IQCH: variants seen among roughly 807,000 people sequenced by gnomAD.
The protein encoded by IQCH is IQ domain-containing protein H.
A neutral mutation model predicts 117.0 loss-of-function variants in IQCH; 98 were observed. The observed-to-expected ratio is 0.84, with a 90% CI of 0.71 to 0.99. The LOEUF is 0.99. IQCH is among the 50% of genes least tolerant of loss of function. IQCH has a pLI of 0.00. For missense variants in IQCH, 1,102 were observed against 1,243.8 expected (o/e 0.89, Z 1.72); for synonymous variants, 412 against 448.2 (o/e 0.92, Z 1.02).
Position 67,342,554 on chromosome 15 carries a change from A to G in IQCH, c.509-1509A>G, listed in dbSNP as rs192325736. On this transcript the variant is annotated intron_variant, in intron 5 of 20. Coordinates refer to ENST00000335894, the MANE Select transcript of IQCH (RefSeq NM_001031715.3). The surrounding 1 kb of genome is among the most constrained non-coding windows in gnomAD (Gnocchi z 4.7). ...CTTGAAATGAAAAATATATTAAATT[A>G]TAAGGAGACCTGTTTTTCACATCTG... Among the ~76,000 whole-genome samples the G allele has an allele frequency of 6.6e-6, 1 of 152,196 alleles. No individual in the cohort carries two copies. The highest frequency in any genetic ancestry group is 1.5e-5 in the Non-Finnish European group (1 of 68,038).
chr15:67,357,307 C>A (rs1024052033), intron 6 of IQCH, 38 bp from the exon 7 acceptor site: 7 of 1,421,866 alleles, frequency 4.9e-6, no homozygotes, highest in Non-Finnish European at 6.0e-6. Flanking sequence ...TCAGCCTCTT[C>A]TTCTGGAAAA....
chr15:67,462,391 G>A (rs1277331553), intron 16 of IQCH, among the ~76,000 whole-genome samples: 3 of 149,778 alleles, frequency 2.0e-5, no homozygotes, highest in Non-Finnish European at 4.4e-5. Context: ...TCGCACCACT[G>A]CACTCCAGCC....
chr15:67,281,621 C>T, intron 4 of IQCH: 1 of 451,330 alleles, frequency 2.2e-6, no homozygotes, highest in Non-Finnish European at 4.4e-6. Flanking sequence ...TCAATCTCTC[C>T]CAGATCCAGG....
chr15:67,437,511 T>TA (rs988109600), intron 16 of IQCH, among the ~76,000 whole-genome samples: 1 of 151,952 alleles, frequency 6.6e-6, no homozygotes, highest in East Asian at 1.9e-4. Context: ...TCAACACCCC[T>TA]AAAAAATCAC....
intron 16 of IQCH, among the ~76,000 whole-genome samples, chr15:67,435,569 C>G (rs2082118092): frequency 6.6e-6 from 1 of 151,626 alleles, no homozygotes; most frequent in Non-Finnish European, 1.5e-5. Context: ...TAGTGAGATT[C>G]TGTCTCAAAA....
Position 67,500,787 on chromosome 15 carries a change from A to G in IQCH, c.*41A>G, listed in dbSNP as rs569621228. The G allele has an allele frequency of 1.0e-5, 11 of 1,098,980 alleles. No individual in the cohort carries two copies. In the African/African-American group the frequency reaches 1.8e-4, roughly 17 times the overall value. The allele number at this position is 1,098,980 out of a possible 1,614,324, so 68.1% of individuals were successfully genotyped here. The stretch of plus-strand genomic sequence containing the variant: ...CATAACAATTTGGATCCCAGTCTGG[A>G]ATAAAAAGGGCAATTTTTTTTTCTG... On this transcript the variant is annotated 3_prime_UTR_variant, in exon 21 of 21. Transcript: ENST00000335894. The surrounding 1 kb of genome is among the most constrained non-coding windows in gnomAD (Gnocchi z 4.4).
At position 67,404,694 on chromosome 15, in the gene IQCH, A is replaced by T. The variant is rs1971816549; in HGVS notation, c.2097+4389A>T. The T allele has an allele frequency of 6.6e-6, 1 of 152,240 alleles. No homozygotes were observed. Among genetic ancestry groups the T allele is most frequent in the Admixed American group, 6.5e-5 (1 of 15,278 alleles). 9.4% of individuals were successfully genotyped at this position (152,240 alleles called of 1,614,324 possible). The stretch of plus-strand genomic sequence containing the variant: ...ATGTTTATACATAGTCGTCACAATT[A>T]TTAGATGCATAATATTCTCTCATAT... On this transcript the variant is annotated intron_variant, in intron 14 of 20. Coordinates refer to ENST00000335894, the MANE Select transcript of IQCH (RefSeq NM_001031715.3). This position sits in a 1 kb window ranked among gnomAD's most constrained non-coding sequence, Gnocchi z 4.6.
intron 20 of IQCH, among the ~76,000 whole-genome samples, chr15:67,495,055 G>C (rs1456383804): frequency 6.6e-6 from 1 of 152,196 alleles, no homozygotes; most frequent in East Asian, 1.9e-4. Flanking sequence ...TGAACAGCAA[G>C]GTATGAATCT....
rs900113346 is a variant in IQCH, at chr15:67,376,505, A to G, written c.1372+3072A>G. Among the ~76,000 whole-genome samples, 1 of 152,210 alleles carries G rather than the reference A, an allele frequency of 6.6e-6. No homozygotes were observed. The highest frequency in any genetic ancestry group is 1.5e-5 in the Non-Finnish European group (1 of 68,016). On this transcript the variant is annotated intron_variant, in intron 10 of 20. Coordinates refer to ENST00000335894, the MANE Select transcript of IQCH (RefSeq NM_001031715.3). This position sits in a 1 kb window ranked among gnomAD's most constrained non-coding sequence, Gnocchi z 5.0. The stretch of plus-strand genomic sequence containing the variant: ...AGCCTTGTCCTCTTTTTCTCTTGCC[A>G]TAGGAAATTTGCTGTAGAATTAGCT...
intron 18 of IQCH, among the ~76,000 whole-genome samples, chr15:67,484,761 TA>T (rs1238797681): frequency 6.6e-6 from 1 of 151,298 alleles, no homozygotes; most frequent in African/African-American, 2.4e-5. Flanking sequence ...ATTAATAAAA[TA>T]AAATAAAATC....
intron 4 of IQCH, among the ~76,000 whole-genome samples, chr15:67,285,901 A>C (rs1966544407): frequency 6.6e-6 from 1 of 152,106 alleles, no homozygotes; most frequent in South Asian, 2.1e-4. Context: ...TTTGCTCAGG[A>C]TAGCTTTGGC....
At chr15:67,301,538 T>C (rs746269851) in intron 4 of IQCH, among the ~76,000 whole-genome samples, 20 of 148,980 alleles carry the variant, frequency 1.3e-4, no homozygotes, top group Non-Finnish European at 2.5e-4. Context: ...GCCTCTCAAG[T>C]AGCTGGGACC....
At chr15:67,303,490 C>T (rs1275773856) in intron 4 of IQCH, among the ~76,000 whole-genome samples, 1 of 152,122 alleles carries the variant, frequency 6.6e-6, no homozygotes, top group East Asian at 1.9e-4. Flanking sequence ...ATACCATATT[C>T]CCTACGTGCC....
Position 67,376,076 on chromosome 15 carries a change from C to CG in IQCH, c.1372+2644dup, listed in dbSNP as rs1970727356. On this transcript the variant is annotated intron_variant, in intron 10 of 20. Transcript: ENST00000335894. The surrounding 1 kb of genome is among the most constrained non-coding windows in gnomAD (Gnocchi z 5.0). ...TGCTGGGATTATAGGTGTGAGCCAC[C>CG]GCATCCGGCCGTGCTTTGGATTTTA... 2.0e-5 allele frequency among the ~76,000 whole-genome samples: 3 copies of CG among 152,098 alleles called. No homozygotes were observed. In the South Asian group the frequency reaches 6.2e-4, roughly 32 times the overall value.
chr15:67,324,225 G>A (rs537957673), intron 4 of IQCH, among the ~76,000 whole-genome samples: 10 of 151,340 alleles, frequency 6.6e-5, no homozygotes, highest in East Asian at 1.9e-4. Flanking sequence ...GATTACAGGC[G>A]TGAGCTACCA....
chr15:67,255,013 C>T (rs569611185), intron 1 of IQCH, 66 bp downstream of exon 1: 14 of 1,485,060 alleles, frequency 9.4e-6, no homozygotes, highest in East Asian at 7.1e-5. Context: ...AGGTCCCGCG[C>T]GCCGATTCAC....
In IQCH at chr15:67,410,776, G is replaced by T. The variant is rs562093299; in HGVS notation, c.2098-6155G>T. Among the ~76,000 whole-genome samples the T allele has an allele frequency of 6.6e-5, 10 of 152,296 alleles. No homozygotes were observed. The East Asian group carries it at 1.9e-3, about 29-fold the overall frequency. On this transcript the variant is annotated intron_variant, in intron 14 of 20. Coordinates refer to ENST00000335894, the MANE Select transcript of IQCH (RefSeq NM_001031715.3). ...AGATGCTGGGCAGCCAGTGACAAAG[G>T]CCCATGCTACCATATTTTCATACAT...
rs755686395 is a variant in IQCH at position 67,465,277 on chromosome 15, A to G, written c.2656A>G (p.Met886Val). The change falls in exon 17 of 21, where the codon ATG becomes GTG. Residue 886 changes from methionine to valine, a missense_variant. Physicochemically the swap from Met to Val is conservative, Grantham distance 21. Coordinates refer to ENST00000335894, the MANE Select transcript of IQCH (RefSeq NM_001031715.3). The surrounding 1 kb of genome is among the most constrained non-coding windows in gnomAD (Gnocchi z 5.9). The stretch of plus-strand genomic sequence containing the variant: ...AAAGGAAAGGAAGAAAACCAAATGC[A>G]TGAGTGCGCTGTCAATGCCGGTAAG... ...VPKERKKTKC[M>V]SALSMPMLAT... 1 of 1,613,930 alleles carries G rather than the reference A, an allele frequency of 6.2e-7. No homozygotes were observed. Among genetic ancestry groups the G allele is most frequent in the South Asian group, 1.1e-5 (1 of 91,068 alleles).
chr15:67,399,848 G>A (rs193177668), intron 13 of IQCH, among the ~76,000 whole-genome samples: 9 of 152,330 alleles, frequency 5.9e-5, no homozygotes, highest in African/African-American at 1.9e-4. Context: ...TTTGCCTTCA[G>A]AAGCCAGCAA....
Sources: allele counts gnomAD v4.1 joint callset (sites outside exome capture counted in the v4.1 genomes callset), GRCh38; gene constraint gnomAD v4.1.1; non-coding constraint Gnocchi (gnomAD v3.1); transcripts MANE v1.5; gene names NCBI Gene and HGNC (gene_info 2026-07-23, HGNC 2026-07-21).